VPS36: variants seen among roughly 807,000 people sequenced by gnomAD.
VPS36 encodes vacuolar protein sorting 36 homolog, also known as vacuolar protein-sorting-associated protein 36.
Under a neutral mutation model 63.5 loss-of-function variants are expected in VPS36, and 31 were observed. That is an observed-to-expected ratio of 0.49 (90% CI 0.37 to 0.66). VPS36 has a LOEUF of 0.66. Ranked by LOEUF, VPS36 falls within the 30% of genes least tolerant of loss-of-function variation. VPS36 has a pLI of 0.00. For missense variants in VPS36, 338 were observed against 463.7 expected, an observed-to-expected ratio of 0.73 and a Z score of 2.49; for synonymous variants, 138 against 157.2, an observed-to-expected ratio of 0.88 and a Z score of 0.91.
At chr13:52,425,785 A>G in intron 9 of VPS36, 147 bp downstream of exon 9, 1 of 756,640 alleles carries the variant, frequency 1.3e-6, no homozygotes, top group Non-Finnish European at 1.9e-6. Flanking sequence ...AGCACAATGA[A>G]CTTATTTAAT....
chr13:52,436,315 G>A lies in VPS36; in HGVS notation c.326C>T (p.Ser109Phe). ...CTCAATCTGGCCATGTTCTTTGAAG[G>A]AGAGTTTGATGTAGGAGTTCTTACT... ...QSSKNSYIKLSFKEHGQIEFY... is the reference protein window; with the variant it reads ...QSSKNSYIKLFFKEHGQIEFY... The change falls in exon 4 of 14, where the codon TCC becomes TTC. Residue 109 changes from serine to phenylalanine, a missense_variant. Transcript: ENST00000378060. The A allele has an allele frequency of 6.2e-7, 1 of 1,612,346 alleles. No individual in the cohort carries two copies. Among genetic ancestry groups the A allele is most frequent in the South Asian group, 1.1e-5 (1 of 90,536 alleles).
chr13:52,423,062 C>A lies in VPS36; in HGVS notation c.840+512G>T, dbSNP rs1566083605. Among the ~76,000 whole-genome samples, 2 of 152,212 alleles carry A rather than the reference C, an allele frequency of 1.3e-5. 1 individual carries two copies. The highest frequency in any genetic ancestry group is 4.1e-4 in the South Asian group (2 of 4,828). On this transcript the variant is annotated intron_variant, in intron 10 of 13. Coordinates refer to ENST00000378060, the MANE Select transcript of VPS36 (RefSeq NM_016075.4). ...CACCATCCACGTAAGATGTGACTTG[C>A]TCCTCCTTGCCTTCCGCCATGATTG...
rs1447903499 is a variant in VPS36 at position 52,414,231 on chromosome 13, G to A, written c.*1599C>T. On this transcript the variant is annotated 3_prime_UTR_variant, in exon 14 of 14. Coordinates refer to ENST00000378060, the MANE Select transcript of VPS36 (RefSeq NM_016075.4). ...TTGCCAGAGCAGTGTGAGACAGTAA[G>A]TACCAACCAGAAAGAGGTGAGACAT... is the stretch of plus-strand genomic sequence containing the variant. The A allele has an allele frequency of 6.6e-6, 1 of 152,080 alleles. No homozygotes were observed. The highest frequency in any genetic ancestry group is 1.5e-5 in the Non-Finnish European group (1 of 68,054). 9.4% of individuals were successfully genotyped at this position (152,080 alleles called of 1,614,324 possible).
At chr13:52,443,037 A>C (rs973142535) in intron 1 of VPS36, among the ~76,000 whole-genome samples, 1 of 152,216 alleles carries the variant, frequency 6.6e-6, no homozygotes, top group Admixed American at 6.5e-5. Flanking sequence ...AATAGACACA[A>C]ATACATACAA....
chr13:52,431,846 CA>C lies in VPS36; in HGVS notation c.528+1815del, dbSNP rs552166701. 4.4e-3 allele frequency among the ~76,000 whole-genome samples: 657 copies of C among 150,884 alleles called. 3 individuals carry two copies. Among genetic ancestry groups the C allele is most frequent in the African/African-American group, 0.015 (601 of 41,080 alleles). ...TTCCGGATCTGAGGCAGGAAATGTACAAGATGGTCCTGGAGCTTTTGCAACA... is the reference window on the plus strand; with the variant it reads ...TTCCGGATCTGAGGCAGGAAATGTACAGATGGTCCTGGAGCTTTTGCAACA... On this transcript the variant is annotated intron_variant, in intron 6 of 13. Transcript: ENST00000378060.
chr13:52,435,302 C>G (rs1366788277), intron 4 of VPS36, among the ~76,000 whole-genome samples: 1 of 151,826 alleles, frequency 6.6e-6, no homozygotes, highest in African/African-American at 2.4e-5. Context: ...AAAGTCTGTT[C>G]AGTCATTTGC....
chr13:52,444,415 G>A (rs944560345), intron 1 of VPS36, among the ~76,000 whole-genome samples: 22 of 151,174 alleles, frequency 1.5e-4, no homozygotes, highest in Non-Finnish European at 2.8e-4. Flanking sequence ...AGCCGAGATC[G>A]CGCCACTGCA....
chr13:52,442,513 A>C, intron 1 of VPS36, 68 bp from the exon 2 acceptor site: 3 of 1,335,642 alleles, frequency 2.2e-6, no homozygotes, highest in Non-Finnish European at 3.1e-6. Flanking sequence ...TTTCTTCTTC[A>C]TGAATTATAC....
At chr13:52,446,361 C>G (rs560114735) in intron 1 of VPS36, among the ~76,000 whole-genome samples, 1 of 152,086 alleles carries the variant, frequency 6.6e-6, no homozygotes, top group East Asian at 1.9e-4. Flanking sequence ...CAAGCACATA[C>G]ATGTTAATTT....
chr13:52,441,367 A>G (rs1046328880), intron 2 of VPS36, among the ~76,000 whole-genome samples: 5 of 152,168 alleles, frequency 3.3e-5, no homozygotes, highest in African/African-American at 1.2e-4. Flanking sequence ...GGCAACACTG[A>G]GATTAATGTA....
chr13:52,423,454 G>T, intron 10 of VPS36, 120 bp downstream of exon 10: 1 of 820,040 alleles, frequency 1.2e-6, no homozygotes, highest in Non-Finnish European at 2.0e-6. Context: ...TTCTTTCACT[G>T]TACCACAGTG....
At chr13:52,430,121 GA>G (rs777161326) in intron 6 of VPS36, among the ~76,000 whole-genome samples, 8 of 149,482 alleles carry the variant, frequency 5.4e-5, no homozygotes, top group Admixed American at 4.0e-4. Flanking sequence ...AAAAATAAAA[GA>G]AAAAAATCAT....
chr13:52,442,760 T>A (rs1958294303), intron 1 of VPS36, among the ~76,000 whole-genome samples: 1 of 152,142 alleles, frequency 6.6e-6, no homozygotes, highest in Non-Finnish European at 1.5e-5. Context: ...AGACATTGGA[T>A]GAGTGGGAAA....
At chr13:52,450,328 CG>C (rs1958389339) in intron 1 of VPS36, 170 bp downstream of exon 1, 1 of 1,178,020 alleles carries the variant, frequency 8.5e-7, no homozygotes, top group African/African-American at 1.6e-5. Flanking sequence ...TGCTACCGAC[CG>C]GCGGGGAGCG....
intron 6 of VPS36, among the ~76,000 whole-genome samples, chr13:52,432,705 GA>G (rs1958172246): frequency 6.6e-6 from 1 of 152,178 alleles, no homozygotes; most frequent in Admixed American, 6.5e-5. Context: ...GAGTGTGACA[GA>G]GATTCTGGAT....
At position 52,426,963 on chromosome 13, in the gene VPS36, T is replaced by G. The variant is rs571385077; in HGVS notation, c.639+26A>C. On this transcript the variant is annotated intron_variant, in intron 8 of 13. Transcript: ENST00000378060. ...CTGCATTGTGTTATCTAGTTTCAAA[T>G]GCCTTAAAAAAAGCAACTTATTTAC... 3 of 1,552,622 alleles carry G rather than the reference T, an allele frequency of 1.9e-6. No homozygotes were observed. In the African/African-American group the frequency reaches 4.1e-5, roughly 21 times the overall value.
At chr13:52,428,548 C>G (rs541237369) in intron 6 of VPS36, among the ~76,000 whole-genome samples, 1 of 152,306 alleles carries the variant, frequency 6.6e-6, no homozygotes, top group Non-Finnish European at 1.5e-5. Context: ...GGCTTAAACA[C>G]TGGATTCTTA....
At chr13:52,438,535 A>AATT (rs1958241908) in intron 3 of VPS36, among the ~76,000 whole-genome samples, 1 of 152,214 alleles carries the variant, frequency 6.6e-6, no homozygotes, top group South Asian at 2.1e-4. Flanking sequence ...ATGTCTCCTC[A>AATT]ATTACATTCA....
rs1028014517 is a variant in VPS36 at position 52,415,737 on chromosome 13, C to T, written c.*93G>A. 5.2e-6 allele frequency: 6 copies of T among 1,160,312 alleles called. No homozygotes were observed. In the African/African-American group the frequency reaches 6.2e-5, roughly 12 times the overall value. 71.9% of individuals were successfully genotyped at this position (1,160,312 alleles called of 1,614,324 possible). A position where few individuals can be genotyped will look rare whatever the true frequency, so the allele number is the denominator to read the frequency against. On this transcript the variant is annotated 3_prime_UTR_variant, in exon 14 of 14. Coordinates refer to ENST00000378060, the MANE Select transcript of VPS36 (RefSeq NM_016075.4). ...TTGCACTGTGAAGTTCCAATAAATT[C>T]TCAATTGATCGGGGTTTATCTCTTA... is the stretch of plus-strand genomic sequence containing the variant.
Sources: allele counts gnomAD v4.1 joint callset (sites outside exome capture counted in the v4.1 genomes callset), GRCh38; gene constraint gnomAD v4.1.1; transcripts MANE v1.5; gene names NCBI Gene and HGNC (gene_info 2026-07-23, HGNC 2026-07-21).